MSRA: variants seen among roughly 807,000 people sequenced by gnomAD.
The protein encoded by MSRA is mitochondrial peptide methionine sulfoxide reductase.
In MSRA, 54 loss-of-function variants were observed where a neutral mutation model predicts 31.3. The ratio of observed to expected loss-of-function variants is 1.73; its 90% CI spans 1.39 to 2.17. The LOEUF (loss-of-function observed/expected upper bound fraction) is 2.17. Ranked by LOEUF, MSRA falls within the 30% of genes most tolerant of loss-of-function variation. The pLI is 0.00. For missense variants in MSRA, 507 were observed against 300.9 expected (o/e 1.69, Z -5.07); for synonymous variants, 169 against 116.5 (o/e 1.45, Z -2.90).
chr8:10,059,616 G>T (rs916266620), intron 1 of MSRA, among the ~76,000 whole-genome samples: 4 of 152,118 alleles, frequency 2.6e-5, no homozygotes, highest in African/African-American at 9.7e-5. Flanking sequence ...TGATAAATTA[G>T]ATTATATCAC....
At chr8:10,232,132 T>C (rs1328626847) in intron 2 of MSRA, among the ~76,000 whole-genome samples, 1 of 152,112 alleles carries the variant, frequency 6.6e-6, no homozygotes, top group Admixed American at 6.5e-5. Flanking sequence ...GAAATTGTTG[T>C]GTACGTGGCT....
intron 3 of MSRA, among the ~76,000 whole-genome samples, chr8:10,258,184 C>T (rs1194111478): frequency 6.6e-6 from 1 of 152,100 alleles, no homozygotes; most frequent in Non-Finnish European, 1.5e-5. Flanking sequence ...AATTAGTAAG[C>T]GGCAGAGCCA....
intron 1 of MSRA, among the ~76,000 whole-genome samples, chr8:10,196,581 G>A (rs1256110008): frequency 6.6e-6 from 1 of 151,916 alleles, no homozygotes; most frequent in African/African-American, 2.4e-5. Context: ...ACAGATTATC[G>A]CTCTGTCACC....
intron 1 of MSRA, among the ~76,000 whole-genome samples, chr8:10,176,015 G>A (rs1806016817): frequency 6.6e-6 from 1 of 152,072 alleles, no homozygotes; most frequent in Non-Finnish European, 1.5e-5. Context: ...TCAGTATTGG[G>A]CTAATGGACT....
At chr8:10,276,741 G>A (rs1272311184) in intron 3 of MSRA, among the ~76,000 whole-genome samples, 1 of 152,064 alleles carries the variant, frequency 6.6e-6, no homozygotes, top group Non-Finnish European at 1.5e-5. Flanking sequence ...TCAATTGTGG[G>A]GGCAGATTTA....
At chr8:10,286,524 C>T (rs1369746103) in intron 3 of MSRA, among the ~76,000 whole-genome samples, 2 of 152,204 alleles carry the variant, frequency 1.3e-5, no homozygotes, top group East Asian at 1.9e-4. Context: ...TAGGATAAAC[C>T]TCTTTATTTT....
At chr8:10,061,893 C>T (rs962888357) in intron 1 of MSRA, among the ~76,000 whole-genome samples, 7 of 152,190 alleles carry the variant, frequency 4.6e-5, no homozygotes, top group Non-Finnish European at 8.8e-5. Flanking sequence ...ACTTGCTAGG[C>T]ATCTGCAGCA....
chr8:10,143,505 C>A (rs931228538), intron 1 of MSRA, among the ~76,000 whole-genome samples: 4 of 152,152 alleles, frequency 2.6e-5, no homozygotes, highest in Non-Finnish European at 5.9e-5. Flanking sequence ...TCACGAGGCT[C>A]TATATCCTTA....
chr8:10,150,026 T>C (rs145681951), intron 1 of MSRA, among the ~76,000 whole-genome samples: 3 of 149,940 alleles, frequency 2.0e-5, no homozygotes, highest in African/African-American at 7.4e-5. Flanking sequence ...GGGATTGCAG[T>C]TGCTCTGTTG....
chr8:10,396,885 T>C lies in MSRA; in HGVS notation c.544-31263T>C, dbSNP rs146272247. On this transcript the variant is annotated intron_variant, in intron 5 of 5. Transcript: ENST00000317173. ...TCCCTGAGCCTCCCAGCCAGAATTA[T>C]TCAGTTTGACATCTGTGCTCCAAGG... 3.1e-3 allele frequency among the ~76,000 whole-genome samples: 470 copies of C among 152,336 alleles called. 4 individuals carry two copies. The highest frequency in any genetic ancestry group is 0.011 in the African/African-American group (440 of 41,568).
At chr8:10,118,504 GCTCT>G (rs902260189) in intron 1 of MSRA, among the ~76,000 whole-genome samples, 11 of 152,054 alleles carry the variant, frequency 7.2e-5, no homozygotes, top group African/African-American at 2.2e-4. Flanking sequence ...ACTGTCAGGG[GCTCT>G]CTATTTCCCC....
intron 1 of MSRA, among the ~76,000 whole-genome samples, chr8:10,202,545 A>T (rs537669471): frequency 2.6e-5 from 4 of 152,344 alleles, no homozygotes; most frequent in African/African-American, 9.6e-5. Context: ...CCTCTAAGCG[A>T]TGAGACTCTA....
At chr8:10,317,676 C>T (rs1485030158) in intron 4 of MSRA, among the ~76,000 whole-genome samples, 1 of 152,194 alleles carries the variant, frequency 6.6e-6, no homozygotes, top group East Asian at 1.9e-4. Context: ...TCTTTCCACT[C>T]AACACTGAAA....
intron 5 of MSRA, among the ~76,000 whole-genome samples, chr8:10,365,267 C>T (rs531132618): frequency 9.9e-4 from 151 of 152,216 alleles, no homozygotes; most frequent in African/African-American, 3.3e-3. Flanking sequence ...ACCCCTCCCC[C>T]GCTCCCTCCG....
intron 5 of MSRA, among the ~76,000 whole-genome samples, chr8:10,379,569 C>T (rs1005744648): frequency 2.0e-5 from 3 of 152,144 alleles, no homozygotes; most frequent in Admixed American, 6.5e-5. Flanking sequence ...ATGCCCCCTC[C>T]GCCTTCCCCC....
At chr8:10,141,597 C>T (rs968871654) in intron 1 of MSRA, among the ~76,000 whole-genome samples, 1 of 152,222 alleles carries the variant, frequency 6.6e-6, no homozygotes, top group African/African-American at 2.4e-5. Context: ...AGCCTTCTGG[C>T]TTCTGCTGTG....
intron 1 of MSRA, among the ~76,000 whole-genome samples, chr8:10,096,954 T>C (rs1273647178): frequency 1.3e-5 from 2 of 152,238 alleles, no homozygotes; most frequent in African/African-American, 2.4e-5. Flanking sequence ...TTGTATCTAT[T>C]CACATAAGTA....
rs958055264 is a variant in MSRA at position 10,200,719 on chromosome 8, C to G, written c.143-7114C>G. Among the ~76,000 whole-genome samples the G allele has an allele frequency of 7.9e-5, 12 of 152,188 alleles. 1 individual carries two copies. The highest frequency in any genetic ancestry group is 2.9e-4 in the African/African-American group (12 of 41,448). Reference sequence around the variant, plus strand: ...ATGCTGCTATTGGGGGCAAAACCCACTCTTGGTTAACTTGCACCTTAAAAC... The same window carrying G: ...ATGCTGCTATTGGGGGCAAAACCCAGTCTTGGTTAACTTGCACCTTAAAAC... On this transcript the variant is annotated intron_variant, in intron 1 of 5. Transcript: ENST00000317173.
intron 5 of MSRA, among the ~76,000 whole-genome samples, chr8:10,370,468 C>T (rs1013350204): frequency 6.6e-6 from 1 of 152,218 alleles, no homozygotes; most frequent in Admixed American, 6.5e-5. Flanking sequence ...ACAGATTTCA[C>T]ACAAACTATG....
Sources: gnomAD v4.1 joint callset for allele counts (sites outside exome capture counted in the v4.1 genomes callset) on GRCh38, gnomAD v4.1.1 for gene constraint, MANE v1.5 for transcripts, NCBI Gene and HGNC (gene_info 2026-07-23, HGNC 2026-07-21) for gene names.